The following PPARGC1B variants were observed in gnomAD, a reference collection of about 807,000 sequenced individuals.
PPARGC1B encodes the protein PPARG coactivator 1 beta.
In PPARGC1B, 34 loss-of-function variants were observed where a neutral mutation model predicts 101.6. That is an observed-to-expected ratio of 0.33 (90% CI 0.25 to 0.45). The LOEUF is 0.45. PPARGC1B is among the 20% of genes least tolerant of loss of function. PPARGC1B has a pLI of 1.00. For synonymous variants in PPARGC1B, 548 were observed against 539.3 expected, an observed-to-expected ratio of 1.02 and a Z score of -0.22; for missense variants, 1,234 against 1,317.6, an observed-to-expected ratio of 0.94 and a Z score of 0.98.
Position 149,836,398 on chromosome 5 carries a change from C to A in PPARGC1B, c.1943C>A (p.Pro648Gln). ...GAGGGCCTCTCACTCAAGGCCACCC[C>A]AGGGGCTGCCCACAAGCTGCCAAAG... ...SPEGLSLKAT[P>Q]GAAHKLPKKH... The change falls in exon 8 of 12, where the codon CCA becomes CAA. Residue 648 changes from proline (P) to glutamine (Q), a missense_variant. Physicochemically the swap from Pro to Gln is moderately conservative, Grantham distance 76. Around this residue, in one of 3 missense-constraint regions of PPARGC1B, gnomAD observed 497 missense variants for 529.5 expected, o/e 0.94. Transcript: ENST00000309241. 6.2e-7 allele frequency: 1 copy of A among 1,614,174 alleles called. No individual in the cohort carries two copies. Among genetic ancestry groups the A allele is most frequent in the Non-Finnish European group, 8.5e-7 (1 of 1,180,032 alleles).
At chr5:149,774,450 G>A (rs1053845315) in intron 1 of PPARGC1B, among the ~76,000 whole-genome samples, 19 of 152,192 alleles carry the variant, frequency 1.2e-4, no homozygotes, top group South Asian at 2.1e-4. Flanking sequence ...ATATAGCAGC[G>A]GATCAGTAGA....
At chr5:149,756,302 A>T (rs1755518245) in intron 1 of PPARGC1B, among the ~76,000 whole-genome samples, 1 of 152,114 alleles carries the variant, frequency 6.6e-6, no homozygotes, top group African/African-American at 2.4e-5. Context: ...TCTTACAAAA[A>T]TTAGCCAGGT....
At chr5:149,752,135 C>T (rs1027453895) in intron 1 of PPARGC1B, among the ~76,000 whole-genome samples, 3 of 152,230 alleles carry the variant, frequency 2.0e-5, no homozygotes, top group African/African-American at 7.2e-5. Flanking sequence ...CTGATCACCT[C>T]CAAGTACTTC....
At chr5:149,749,983 G>A (rs888072557) in intron 1 of PPARGC1B, among the ~76,000 whole-genome samples, 25 of 152,156 alleles carry the variant, frequency 1.6e-4, no homozygotes, top group Admixed American at 9.2e-4. Flanking sequence ...CAGTCTCATC[G>A]CAGATGGTTA....
At chr5:149,757,588 G>A (rs928049203) in intron 1 of PPARGC1B, among the ~76,000 whole-genome samples, 2 of 152,234 alleles carry the variant, frequency 1.3e-5, no homozygotes, top group African/African-American at 2.4e-5. Context: ...GGGCTTCCTC[G>A]TTGGCTCTCC....
intron 1 of PPARGC1B, chr5:149,740,128 A>G (rs1423944795): frequency 1.3e-5 from 2 of 152,252 alleles, no homozygotes; most frequent in African/African-American, 4.8e-5. Flanking sequence ...TGTTTTAGGT[A>G]AGAAAACAAA....
chr5:149,738,105 A>G (rs1201525200), intron 1 of PPARGC1B, among the ~76,000 whole-genome samples: 1 of 152,240 alleles, frequency 6.6e-6, no homozygotes, highest in Non-Finnish European at 1.5e-5. Context: ...ATATCTCTTC[A>G]TCTATAGATC....
At chr5:149,809,687 TA>T (rs35168335) in intron 1 of PPARGC1B, among the ~76,000 whole-genome samples, 16,790 of 108,890 alleles carry the variant, frequency 0.15, 1,316 homozygotes, top group Middle Eastern at 0.25. Flanking sequence ...GATCCTTTCT[TA>T]AAAAAAAAAA....
chr5:149,833,432 G>A lies in PPARGC1B; in HGVS notation c.1359G>A (p.Arg453=). ...EEKEEEEEWG[R]KRPGRGLPWT... ...AAGAGGAGGAGGAGGAGTGGGGCAG[G>A]AAAAGGCCAGGCCGAGGCCTGCCAT... is the stretch of plus-strand genomic sequence containing the variant. Residue 453 remains arginine, a synonymous_variant, in exon 5 of 12, where the codon AGG becomes AGA. Transcript: ENST00000309241. The surrounding 1 kb of genome is among the most constrained non-coding windows in gnomAD (Gnocchi z 4.1). 1 of 1,584,198 alleles carries A rather than the reference G, an allele frequency of 6.3e-7. No individual in the cohort carries two copies. Among genetic ancestry groups the A allele is most frequent in the Non-Finnish European group, 8.6e-7 (1 of 1,165,248 alleles).
chr5:149,743,275 C>T (rs1429417243), intron 1 of PPARGC1B, among the ~76,000 whole-genome samples: 1 of 151,610 alleles, frequency 6.6e-6, no homozygotes, highest in African/African-American at 2.4e-5. Flanking sequence ...CCTGCCTCAG[C>T]CTCCTGAGTA....
At chr5:149,814,670 G>C (rs756048219) in intron 1 of PPARGC1B, among the ~76,000 whole-genome samples, 1 of 152,232 alleles carries the variant, frequency 6.6e-6, no homozygotes, top group Non-Finnish European at 1.5e-5. Context: ...CAGGAAAGTA[G>C]AGCCACCAAT....
intron 1 of PPARGC1B, among the ~76,000 whole-genome samples, chr5:149,771,735 C>G (rs1459394858): frequency 6.6e-6 from 1 of 152,202 alleles, no homozygotes; most frequent in African/African-American, 2.4e-5. Flanking sequence ...GTTTGCCTAG[C>G]AGGCAGCACT....
At chr5:149,782,396 C>CTTG (rs2113226688) in intron 1 of PPARGC1B, among the ~76,000 whole-genome samples, 1 of 152,276 alleles carries the variant, frequency 6.6e-6, no homozygotes, top group African/African-American at 2.4e-5. Flanking sequence ...TAATGAATGC[C>CTTG]TTGTTGGTGG....
chr5:149,799,153 A>T (rs1757337188), intron 1 of PPARGC1B, among the ~76,000 whole-genome samples: 1 of 152,154 alleles, frequency 6.6e-6, no homozygotes, highest in Non-Finnish European at 1.5e-5. Flanking sequence ...TCCCTTCCTC[A>T]GAATCCCAGA....
intron 1 of PPARGC1B, among the ~76,000 whole-genome samples, chr5:149,798,507 G>C (rs1757314308): frequency 6.6e-6 from 1 of 152,226 alleles, no homozygotes; most frequent in Non-Finnish European, 1.5e-5. Flanking sequence ...TATGTGATCA[G>C]AGATAGAGAA....
chr5:149,757,714 C>T (rs1755584942), intron 1 of PPARGC1B, among the ~76,000 whole-genome samples: 1 of 152,198 alleles, frequency 6.6e-6, no homozygotes, highest in African/African-American at 2.4e-5. Context: ...GTCAGTGGGG[C>T]TAACTGGGTT....
rs754100391 is a variant in PPARGC1B, at chr5:149,836,894, G to C, written c.2439G>C (p.Gly813=). The change falls in exon 8 of 12, where the codon GGG becomes GGC. Residue 813 remains glycine, a synonymous_variant. Transcript: ENST00000309241. The part of the protein sequence containing the change: ...SFLPEEEEEE[G]EEEEEDDEEE... ...TCCCAGAGGAGGAAGAGGAAGAAGGGGAGGAGGAGGAGGAGGACGATGAAG... is the reference window on the plus strand; with the variant it reads ...TCCCAGAGGAGGAAGAGGAAGAAGGCGAGGAGGAGGAGGAGGACGATGAAG... The C allele has an allele frequency of 6.3e-7, 1 of 1,591,276 alleles. No individual in the cohort carries two copies. The highest frequency in any genetic ancestry group is 2.2e-5 in the East Asian group (1 of 44,716).
intron 2 of PPARGC1B, among the ~76,000 whole-genome samples, chr5:149,821,439 G>A (rs1758291392): frequency 6.6e-6 from 1 of 151,736 alleles, no homozygotes; most frequent in East Asian, 1.9e-4. Flanking sequence ...GTGTGGGTGG[G>A]AGTGTGCGGC....
chr5:149,737,283 C>T (rs755286882), intron 1 of PPARGC1B, among the ~76,000 whole-genome samples: 3 of 152,022 alleles, frequency 2.0e-5, no homozygotes, highest in Non-Finnish European at 4.4e-5. Context: ...TAAACTTAAA[C>T]CTGATTTCCG....
Sources: gnomAD v4.1 joint callset for allele counts (sites outside exome capture counted in the v4.1 genomes callset) on GRCh38, gnomAD v4.1.1 for gene constraint, gnomAD v4.1.1 regional missense constraint, Gnocchi (gnomAD v3.1) non-coding constraint, MANE v1.5 for transcripts, NCBI Gene and HGNC (gene_info 2026-07-23, HGNC 2026-07-21) for gene names.